Variants in MROH1 observed in about 807,000 individuals in gnomAD.
MROH1 encodes the protein maestro heat like repeat family member 1.
Under a neutral mutation model 116.5 loss-of-function variants are expected in MROH1, and 117 were observed. The ratio of observed to expected loss-of-function variants is 1.00; its 90% CI spans 0.86 to 1.17. MROH1 has a LOEUF of 1.17. MROH1 is among the 50% of genes most tolerant of loss of function. MROH1 has a pLI of 0.00. For missense variants in MROH1, 1,873 were observed against 1,338.5 expected, an observed-to-expected ratio of 1.40 and a Z score of -6.23; for synonymous variants, 921 against 583.9, an observed-to-expected ratio of 1.58 and a Z score of -8.32.
rs553776110 is a variant in MROH1, at chr8:144,211,210, C to T, written c.1142-9390C>T. 3.9e-5 allele frequency among the ~76,000 whole-genome samples: 6 copies of T among 152,302 alleles called. No homozygotes were observed. In the East Asian group the frequency reaches 1.2e-3, roughly 29 times the overall value. On this transcript the variant is annotated intron_variant, in intron 12 of 43. Transcript: ENST00000326134. ...AAACAGATTCAGACTCAAGCTCAGT[C>T]CCTTGGGCAAGACGATAGGAGTCAT...
At chr8:144,222,980 G>A in intron 13 of MROH1, 128 bp from the exon 14 acceptor site, 1 of 1,338,900 alleles carries the variant, frequency 7.5e-7, no homozygotes, top group Non-Finnish European at 1.0e-6. Flanking sequence ...ACAGGTGTCA[G>A]TGTAACTGCA....
chr8:144,165,481 G>C (rs751252961), intron 3 of MROH1, among the ~76,000 whole-genome samples: 14 of 152,112 alleles, frequency 9.2e-5, no homozygotes, highest in Admixed American at 3.9e-4. Flanking sequence ...TGTTGCTCAG[G>C]GTGGTCTTGA....
chr8:144,151,247 C>CAAA (rs1160118892), intron 1 of MROH1, among the ~76,000 whole-genome samples: 556 of 22,936 alleles, frequency 0.024, 98 homozygotes, highest in African/African-American at 0.068. Flanking sequence ...TATTCTGTCT[C>CAAA]AAAAAAAAAA....
At chr8:144,260,476 C>A in intron 39 of MROH1, 102 bp downstream of exon 39, 1 of 696,960 alleles carries the variant, frequency 1.4e-6, no homozygotes, top group Non-Finnish European at 2.6e-6. Context: ...TCTCCCACCT[C>A]GGCTAGGTGA....
At chr8:144,153,394 A>G (rs1379249107) in intron 1 of MROH1, among the ~76,000 whole-genome samples, 3 of 151,902 alleles carry the variant, frequency 2.0e-5, no homozygotes, top group Non-Finnish European at 2.9e-5. Flanking sequence ...ATGGCGTTTC[A>G]CCATGTTGGC....
intron 10 of MROH1, among the ~76,000 whole-genome samples, chr8:144,198,215 C>T (rs1249413594): frequency 6.6e-6 from 1 of 152,148 alleles, no homozygotes; most frequent in Admixed American, 6.5e-5. Flanking sequence ...GTGGTTACCT[C>T]TTCTGGCTCA....
At chr8:144,164,495 C>T (rs1395076098) in intron 3 of MROH1, among the ~76,000 whole-genome samples, 2 of 152,014 alleles carry the variant, frequency 1.3e-5, no homozygotes, top group African/African-American at 2.4e-5. Flanking sequence ...GCCTCAAACT[C>T]CTGAGCTCAG....
chr8:144,242,754 G>T (rs1041014366), intron 24 of MROH1, 126 bp downstream of exon 24: 5 of 693,300 alleles, frequency 7.2e-6, no homozygotes, highest in Non-Finnish European at 1.3e-5. Context: ...CCTGGTCTCC[G>T]TCCCCAGGAG....
At chr8:144,185,823 G>A (rs1208644644) in intron 7 of MROH1, among the ~76,000 whole-genome samples, 1 of 131,334 alleles carries the variant, frequency 7.6e-6, no homozygotes, top group Non-Finnish European at 1.6e-5. Flanking sequence ...GACCTCGAGG[G>A]GACGTGAGGG....
At chr8:144,176,423 C>A (rs57646746) in intron 4 of MROH1, among the ~76,000 whole-genome samples, 1,627 of 150,462 alleles carry the variant, frequency 0.011, 31 homozygotes, top group African/African-American at 0.038. Flanking sequence ...GTAGTCCCAG[C>A]TACTTGAGAG....
intron 35 of MROH1, among the ~76,000 whole-genome samples, chr8:144,258,299 C>T (rs1024910591): frequency 5.3e-5 from 8 of 152,228 alleles, no homozygotes; most frequent in Non-Finnish European, 1.2e-4. Flanking sequence ...TCCTCCCGCT[C>T]ACTTGCCAGC....
intron 19 of MROH1, 132 bp from the exon 20 acceptor site, chr8:144,240,438 C>G: frequency 1.4e-6 from 1 of 693,088 alleles, no homozygotes; most frequent in African/African-American, 1.7e-5. Flanking sequence ...AGGGTTGGCT[C>G]TGCCGCCCCC....
At chr8:144,214,800 A>G (rs1416017705) in intron 12 of MROH1, among the ~76,000 whole-genome samples, 1 of 152,228 alleles carries the variant, frequency 6.6e-6, no homozygotes, top group Non-Finnish European at 1.5e-5. Context: ...GGACAGAACT[A>G]ATAGGATACA....
chr8:144,244,644 G>A, intron 28 of MROH1, 105 bp downstream of exon 28: 1 of 700,806 alleles, frequency 1.4e-6, no homozygotes. Flanking sequence ...GGACAGTTTG[G>A]TGCTCTCTGC....
At chr8:144,189,036 A>G (rs991673528) in intron 7 of MROH1, among the ~76,000 whole-genome samples, 1 of 152,168 alleles carries the variant, frequency 6.6e-6, no homozygotes, top group Non-Finnish European at 1.5e-5. Context: ...GTGTTATCTC[A>G]CATTAAGCAG....
intron 1 of MROH1, among the ~76,000 whole-genome samples, chr8:144,159,807 G>A (rs988960286): frequency 1.2e-4 from 15 of 129,470 alleles, no homozygotes; most frequent in African/African-American, 3.8e-4. Flanking sequence ...TCGCTTTGTC[G>A]CCCAGGCTGG....
In MROH1 at chr8:144,179,843, G is replaced by T. The variant is rs559136871; in HGVS notation, c.300+257G>T. On this transcript the variant is annotated intron_variant, in intron 5 of 43. Coordinates refer to ENST00000326134, the MANE Select transcript of MROH1 (RefSeq NM_032450.3). ...CAGGACCGTGGTGTGCGTGCAGCTG[G>T]GGCCAAAGGCTGTGCCCGGCATTGG... is the stretch of plus-strand genomic sequence containing the variant. Among the ~76,000 whole-genome samples, 360 of 152,276 alleles carry T rather than the reference G, an allele frequency of 2.4e-3. 2 individuals are homozygous for T. The highest frequency in any genetic ancestry group is 8.4e-3 in the African/African-American group (349 of 41,542).
chr8:144,242,833 C>CA (rs1841240937), intron 24 of MROH1, among the ~76,000 whole-genome samples: 1 of 152,192 alleles, frequency 6.6e-6, no homozygotes, highest in East Asian at 1.9e-4. Flanking sequence ...AGAAGGGAGG[C>CA]GTCTGCGCCT....
chr8:144,175,076 C>T (rs1823474589), intron 4 of MROH1: 1 of 985,324 alleles, frequency 1.0e-6, no homozygotes, highest in African/African-American at 1.7e-5. Flanking sequence ...AAGCATAATG[C>T]AACTTGAGAT....
Sources: allele counts gnomAD v4.1 joint callset (sites outside exome capture counted in the v4.1 genomes callset), GRCh38; gene constraint gnomAD v4.1.1; transcripts MANE v1.5; gene names NCBI Gene and HGNC (gene_info 2026-07-23, HGNC 2026-07-21).